Variants in ACTR8 observed in about 807,000 individuals in gnomAD.
The protein encoded by ACTR8 is actin-related protein 8.
In ACTR8, 70 loss-of-function variants were observed where a neutral mutation model predicts 84.3. The ratio of observed to expected loss-of-function variants is 0.83; its 90% CI spans 0.68 to 1.01. The LOEUF is 1.01. Ranked by LOEUF, ACTR8 falls within the 50% of genes least tolerant of loss-of-function variation. The probability of loss-of-function intolerance (pLI) is 0.00; values close to 1 mark genes in which losing one functional copy is unlikely to be tolerated. For synonymous variants in ACTR8, 268 were observed against 275.2 expected (o/e 0.97, Z 0.26); for missense variants, 672 against 775.4 (o/e 0.87, Z 1.58).
rs140622987 is a variant in ACTR8 at position 53,881,665 on chromosome 3, C to T, written c.123+314G>A. The T allele has an allele frequency of 5.4e-4, 257 of 472,802 alleles. 4 individuals are homozygous for T. The East Asian group carries it at 0.011, about 19-fold the overall frequency. The allele number at this position is 472,802 out of a possible 1,614,324, so 29.3% of individuals were successfully genotyped here. On this transcript the variant is annotated intron_variant, in intron 1 of 12. Transcript: ENST00000335754. Reference sequence around the variant, plus strand: ...CAACTTGCGAGGCGGCTGGTTATCACCGTGGTCGTTTTATGGTCGGGGAAG... The same window carrying T: ...CAACTTGCGAGGCGGCTGGTTATCATCGTGGTCGTTTTATGGTCGGGGAAG...
In ACTR8 at chr3:53,879,932, G is replaced by A; in HGVS notation, c.294+7C>T. 4 of 1,586,336 alleles carry A rather than the reference G, an allele frequency of 2.5e-6. No homozygotes were observed. The highest frequency in any genetic ancestry group is 2.6e-6 in the Non-Finnish European group (3 of 1,162,034). On this transcript the variant is annotated splice_region_variant and intron_variant, in intron 2 of 12. Coordinates refer to ENST00000335754, the MANE Select transcript of ACTR8 (RefSeq NM_022899.5). Reference sequence around the variant, plus strand: ...TAGGCTTTCTCTCCAGGTCGTTTTTGACTTACATTTAGTCCCTCCCTTAGG... The same window carrying A: ...TAGGCTTTCTCTCCAGGTCGTTTTTAACTTACATTTAGTCCCTCCCTTAGG...
chr3:53,873,017 A>T lies in ACTR8; in HGVS notation c.1161+15T>A. On this transcript the variant is annotated intron_variant, in intron 9 of 12. Transcript: ENST00000335754. ...ACTTTCTTTCTACCCATGGAAACAG[A>T]TACCTATAAGTTACCTGCAGTTTTT... The T allele has an allele frequency of 6.3e-7, 1 of 1,582,696 alleles. No individual in the cohort carries two copies.
rs921395764 is a variant in ACTR8 at position 53,868,010 on chromosome 3, T to C, written c.*709A>G. ...ATTTGGCTTTAGGAAAAAAACAAGA[T>C]TTCCTTTTCAGCATTTGTTCTGTTT... On this transcript the variant is annotated 3_prime_UTR_variant, in exon 13 of 13. Coordinates refer to ENST00000335754, the MANE Select transcript of ACTR8 (RefSeq NM_022899.5). The C allele has an allele frequency of 6.6e-6, 1 of 152,158 alleles. No individual in the cohort carries two copies. Among genetic ancestry groups the C allele is most frequent in the African/African-American group, 2.4e-5 (1 of 41,428 alleles). The allele number at this position is 152,158 out of a possible 1,614,324, so 9.4% of individuals were successfully genotyped here.
At chr3:53,877,814 C>A in intron 3 of ACTR8, 63 bp from the exon 4 acceptor site, 1 of 1,403,284 alleles carries the variant, frequency 7.1e-7, no homozygotes, top group South Asian at 1.2e-5. Context: ...ACATAAGGGT[C>A]TCCTTTTCTT....
the ACTR8 span, chr3:53,859,081 A>C: frequency 5.7e-6 from 2 of 347,868 alleles, no homozygotes; most frequent in Non-Finnish European, 1.0e-5. Flanking sequence ...ACAGTGCAAA[A>C]TGGATGTTCT....
chr3:53,878,629 C>G (rs1369128322), intron 2 of ACTR8, among the ~76,000 whole-genome samples, 162 bp from the exon 3 acceptor site: 1 of 152,180 alleles, frequency 6.6e-6, no homozygotes, highest in Non-Finnish European at 1.5e-5. Flanking sequence ...TTCCCTCTAG[C>G]CTGGGCAACA....
downstream of ACTR8, chr3:53,864,966 A>C (rs1699727842): frequency 6.2e-7 from 1 of 1,614,078 alleles, no homozygotes; most frequent in South Asian, 1.1e-5. Flanking sequence ...AGAAGGCAGC[A>C]GACAAAGTCG....
Position 53,868,554 on chromosome 3 carries a change from T to C in ACTR8, c.*165A>G. Reference sequence around the variant, plus strand: ...CTGACTAAACTGCTCAAAAGCAGTTTATATTTTCAAACCAATGTCATGTCC... The same window carrying C: ...CTGACTAAACTGCTCAAAAGCAGTTCATATTTTCAAACCAATGTCATGTCC... On this transcript the variant is annotated 3_prime_UTR_variant, in exon 13 of 13. Transcript: ENST00000335754. 3 of 1,103,802 alleles carry C rather than the reference T, an allele frequency of 2.7e-6. No homozygotes were observed. The highest frequency in any genetic ancestry group is 2.5e-6 in the Non-Finnish European group (2 of 790,398). 68.4% of individuals were successfully genotyped at this position (1,103,802 alleles called of 1,614,324 possible).
the ACTR8 span, chr3:53,859,296 G>C: frequency 1.3e-5 from 2 of 152,962 alleles, no homozygotes; most frequent in Non-Finnish European, 2.9e-5. Flanking sequence ...GCATGTTCTG[G>C]AAAATGTCTC....
At chr3:53,876,301 G>A (rs1015966301) in intron 6 of ACTR8, among the ~76,000 whole-genome samples, 3 of 152,086 alleles carry the variant, frequency 2.0e-5, no homozygotes, top group African/African-American at 7.2e-5. Flanking sequence ...GGAGGATCAC[G>A]AGGTCAGGAG....
At chr3:53,872,981 G>T in intron 9 of ACTR8, 51 bp downstream of exon 9, 2 of 1,381,734 alleles carry the variant, frequency 1.4e-6, no homozygotes, top group South Asian at 2.4e-5. Flanking sequence ...CAGTTTGATT[G>T]AACCTGGATA....
chr3:53,879,983 G>A lies in ACTR8; in HGVS notation c.250C>T (p.Gln84Ter). ...AGCCAACTGTCCTTGTATAGGGGCTGCCCTTGTTGTTTGTGTCTTCGGGCA... is the reference window on the plus strand; with the variant it reads ...AGCCAACTGTCCTTGTATAGGGGCTACCCTTGTTGTTTGTGTCTTCGGGCA... Reference protein sequence around the residue: ...VIARRHKQQGQPLYKDSWLLR... With the variant: ...VIARRHKQQG The change falls in exon 2 of 13, where the codon CAG (glutamine) becomes TAG (stop). Residue 84 changes from glutamine (Q) to a stop codon, truncating the protein, a stop_gained. Transcript: ENST00000335754. LOFTEE classifies it high-confidence loss of function. The A allele has an allele frequency of 6.2e-7, 1 of 1,614,178 alleles. No individual in the cohort carries two copies. Among genetic ancestry groups the A allele is most frequent in the East Asian group, 2.2e-5 (1 of 44,884 alleles).
At chr3:53,881,760 C>T in intron 1 of ACTR8, 1 of 684,644 alleles carries the variant, frequency 1.5e-6, no homozygotes, top group Non-Finnish European at 2.4e-6. Flanking sequence ...GGAGCGGTGT[C>T]CCTGCGGGGG....
At chr3:53,871,094 G>A (rs1422006498) in intron 11 of ACTR8, 138 bp downstream of exon 11, 1 of 1,218,002 alleles carries the variant, frequency 8.2e-7, no homozygotes, top group East Asian at 2.5e-5. Flanking sequence ...CCCAACACCT[G>A]GCAATGCAAG....
At chr3:53,871,817 T>G (rs1029477825) in intron 10 of ACTR8, among the ~76,000 whole-genome samples, 4 of 152,236 alleles carry the variant, frequency 2.6e-5, no homozygotes, top group Non-Finnish European at 5.9e-5. Context: ...AAATGGAGTA[T>G]TCCAGTGGGA....
At chr3:53,874,482 T>C in intron 7 of ACTR8, 118 bp from the exon 8 acceptor site, 1 of 1,097,848 alleles carries the variant, frequency 9.1e-7, no homozygotes, top group Non-Finnish European at 1.3e-6. Context: ...CCCAGCACTT[T>C]GGGAGGCTGA....
At chr3:53,860,265 G>GA in the ACTR8 span, 1 of 1,521,112 alleles carries the variant, frequency 6.6e-7, no homozygotes, top group Non-Finnish European at 9.0e-7. Context: ...TCCTAGTAAG[G>GA]AAATAACATT....
At position 53,871,337 on chromosome 3, in the gene ACTR8, C is replaced by T. The variant is rs1329484546; in HGVS notation, c.1462G>A (p.Glu488Lys). 3.1e-6 allele frequency: 5 copies of T among 1,614,104 alleles called. No individual in the cohort carries two copies. The highest frequency in any genetic ancestry group is 4.2e-6 in the Non-Finnish European group (5 of 1,180,044). ...GACATCAGTGCAGTGAGGGCCTCCT[C>T]GGAATCGTTGCCGGCCATCAGGCCA... Reference protein sequence around the residue: ...GDGLMAGNDSEEALTALMSRK... With the variant: ...GDGLMAGNDSKEALTALMSRK... The change falls in exon 11 of 13, where the codon GAG becomes AAG. Residue 488 changes from glutamate (E) to lysine (K), a missense_variant. Transcript: ENST00000335754.
At chr3:53,874,388 A>G in intron 7 of ACTR8, 24 bp from the exon 8 acceptor site, 1 of 1,603,156 alleles carries the variant, frequency 6.2e-7, no homozygotes, top group Non-Finnish European at 8.5e-7. Context: ...AAAAGGGTAG[A>G]TGGTTAATCT....
Sources: allele counts gnomAD v4.1 joint callset (sites outside exome capture counted in the v4.1 genomes callset), GRCh38; gene constraint gnomAD v4.1.1; transcripts MANE v1.5; gene names NCBI Gene and HGNC (gene_info 2026-07-23, HGNC 2026-07-21).